Variants in LARGE1 observed in about 807,000 individuals in gnomAD.
LARGE1 encodes LARGE xylosyl- and glucuronyltransferase 1.
LARGE1 carries 43 observed loss-of-function variants against 87.6 expected under a neutral mutation model. The observed-to-expected ratio is 0.49, with a 90% confidence interval of 0.38 to 0.63. The LOEUF (loss-of-function observed/expected upper bound fraction) is 0.63. Ranked by LOEUF, LARGE1 falls within the 30% of genes least tolerant of loss-of-function variation. The pLI is 0.00. For synonymous variants in LARGE1, 434 were observed against 394.6 expected, an observed-to-expected ratio of 1.10 and a Z score of -1.18; for missense variants, 802 against 1,000.2, an observed-to-expected ratio of 0.80 and a Z score of 2.67.
At chr22:33,370,557 T>C in intron 9 of LARGE1, among the ~76,000 whole-genome samples, 1 of 152,156 alleles carries the variant, frequency 6.6e-6, no homozygotes, top group South Asian at 2.1e-4. Flanking sequence ...TTGAATGCAA[T>C]CGTTGTTTAT....
chr22:33,690,040 TC>T (rs1199424837), intron 2 of LARGE1, among the ~76,000 whole-genome samples: 33 of 152,298 alleles, frequency 2.2e-4, no homozygotes, highest in African/African-American at 7.7e-4. Context: ...TCACTAGACA[TC>T]CGTCCTCCAT....
At chr22:33,534,032 C>T (rs578014537) in intron 6 of LARGE1, among the ~76,000 whole-genome samples, 3 of 151,796 alleles carry the variant, frequency 2.0e-5, no homozygotes, top group African/African-American at 4.8e-5. Context: ...CTTCATAATG[C>T]GGATGAGTGA....
At chr22:33,140,266 G>T in the LARGE1 span, among the ~76,000 whole-genome samples, 1 of 152,166 alleles carries the variant, frequency 6.6e-6, no homozygotes, top group Non-Finnish European at 1.5e-5. Flanking sequence ...GGGGAAGAAA[G>T]ACCAGTCTAA....
At chr22:33,087,827 C>T in the LARGE1 span, among the ~76,000 whole-genome samples, 10 of 152,128 alleles carry the variant, frequency 6.6e-5, no homozygotes, top group East Asian at 1.7e-3. Flanking sequence ...CCCAGCTACT[C>T]GGGAGGCTGA....
intron 11 of LARGE1, among the ~76,000 whole-genome samples, chr22:33,188,436 C>T (rs1249351999): frequency 1.3e-5 from 2 of 152,142 alleles, no homozygotes; most frequent in East Asian, 3.9e-4. Context: ...ACTGAGCTCA[C>T]ACCGGGCCTG....
intron 6 of LARGE1, among the ~76,000 whole-genome samples, chr22:33,484,001 G>C (rs545493746): frequency 9.9e-5 from 15 of 152,230 alleles, no homozygotes; most frequent in African/African-American, 2.9e-4. Flanking sequence ...TTGAGCATAC[G>C]GGGTGCGGAC....
At chr22:33,730,727 G>T (rs2083436554) in intron 2 of LARGE1, among the ~76,000 whole-genome samples, 1 of 151,658 alleles carries the variant, frequency 6.6e-6, no homozygotes, top group African/African-American at 2.4e-5. Context: ...TTTTACTCTT[G>T]TTGCCCAGGA....
chr22:33,812,541 T>C (rs1350550679), intron 1 of LARGE1, among the ~76,000 whole-genome samples: 1 of 152,208 alleles, frequency 6.6e-6, no homozygotes, highest in East Asian at 1.9e-4. Context: ...GGGTGCATTG[T>C]CATCAGTGAG....
chr22:33,720,879 A>AG (rs1429473628), intron 2 of LARGE1, among the ~76,000 whole-genome samples: 4 of 152,208 alleles, frequency 2.6e-5, no homozygotes, highest in Non-Finnish European at 5.9e-5. Context: ...TTCTGAGGCC[A>AG]GGGGGCTGCT....
intron 1 of LARGE1, among the ~76,000 whole-genome samples, chr22:33,904,852 A>G (rs947009748): frequency 6.6e-6 from 1 of 152,154 alleles, no homozygotes; most frequent in Non-Finnish European, 1.5e-5. Context: ...TGTTTACATT[A>G]TCCTGAAACC....
chr22:33,134,798 ACT>A, the LARGE1 span, among the ~76,000 whole-genome samples: 3 of 152,180 alleles, frequency 2.0e-5, no homozygotes, highest in Non-Finnish European at 4.4e-5. Flanking sequence ...ATCTTGGAAA[ACT>A]GATCATTGTA....
intron 11 of LARGE1, among the ~76,000 whole-genome samples, chr22:33,217,383 A>G (rs976485089): frequency 1.3e-5 from 2 of 152,168 alleles, no homozygotes; most frequent in Non-Finnish European, 2.9e-5. Flanking sequence ...CAATCTGTGT[A>G]TTACCAAGCC....
At position 33,376,105 on chromosome 22, in the gene LARGE1, G is replaced by T. The variant is rs187876806; in HGVS notation, c.1131+5814C>A. Among the ~76,000 whole-genome samples, 171 of 151,880 alleles carry T rather than the reference G, an allele frequency of 1.1e-3. 1 individual carries two copies. Among genetic ancestry groups the T allele is most frequent in the African/African-American group, 3.8e-3 (156 of 41,412 alleles). On this transcript the variant is annotated intron_variant, in intron 9 of 14. Coordinates refer to ENST00000397394, the MANE Select transcript of LARGE1 (RefSeq NM_133642.5). ...TCCAGAAATATTTTAATAAAAATTG[G>T]CCATTTCCAAGAAACACTCACTGCA...
At chr22:33,602,297 GT>G (rs536511583) in intron 5 of LARGE1, among the ~76,000 whole-genome samples, 13 of 149,028 alleles carry the variant, frequency 8.7e-5, no homozygotes, top group African/African-American at 2.0e-4. Context: ...TCTTTTTTCC[GT>G]TTTTTTTTCT....
chr22:33,439,618 C>T (rs988307088), intron 6 of LARGE1, among the ~76,000 whole-genome samples: 32 of 152,120 alleles, frequency 2.1e-4, no homozygotes, highest in African/African-American at 6.0e-4. Flanking sequence ...GGATCTACTC[C>T]GGTGGCTTCA....
intron 3 of LARGE1, among the ~76,000 whole-genome samples, chr22:33,642,951 A>T (rs2080490498): frequency 6.6e-6 from 1 of 152,142 alleles, no homozygotes; most frequent in South Asian, 2.1e-4. Flanking sequence ...TAATAGTGGG[A>T]GACTTTAATA....
chr22:33,765,766 A>G (rs966977968), intron 1 of LARGE1, among the ~76,000 whole-genome samples: 1 of 147,388 alleles, frequency 6.8e-6, no homozygotes, highest in Non-Finnish European at 1.5e-5. Flanking sequence ...GGAAGGGAGG[A>G]GGATAGGAAC....
intron 3 of LARGE1, among the ~76,000 whole-genome samples, chr22:33,640,886 A>G (rs1287670748): frequency 6.6e-6 from 1 of 152,218 alleles, no homozygotes; most frequent in Admixed American, 6.5e-5. Flanking sequence ...ACTGGGCAGG[A>G]CACCTCTGAA....
At chr22:33,811,172 T>C (rs2086482946) in intron 1 of LARGE1, among the ~76,000 whole-genome samples, 2 of 152,120 alleles carry the variant, frequency 1.3e-5, no homozygotes, top group South Asian at 2.1e-4. Context: ...ATAAAGTCAG[T>C]CAAAAGGCTA....
Sources: gnomAD v4.1 joint callset for allele counts (sites outside exome capture counted in the v4.1 genomes callset) on GRCh38, gnomAD v4.1.1 for gene constraint, MANE v1.5 for transcripts, NCBI Gene and HGNC (gene_info 2026-07-23, HGNC 2026-07-21) for gene names.